Variants in GALNT10 observed in about 807,000 individuals in gnomAD.
GALNT10 encodes the protein GalNAc transferase 10.
GALNT10 carries 41 observed loss-of-function variants against 75.0 expected under a neutral mutation model. That is an observed-to-expected ratio of 0.55 (90% CI 0.43 to 0.71). The LOEUF (loss-of-function observed/expected upper bound fraction) is 0.71, where lower values mean the gene tolerates loss of function less well. Ranked by LOEUF, GALNT10 falls within the 30% of genes least tolerant of loss-of-function variation. The pLI is 0.00. For missense variants in GALNT10, 727 were observed against 818.5 expected (o/e 0.89, Z 1.36); for synonymous variants, 302 against 313.0 (o/e 0.96, Z 0.37).
chr5:154,395,930 CAA>C (rs1402228977), intron 7 of GALNT10, among the ~76,000 whole-genome samples: 1 of 152,184 alleles, frequency 6.6e-6, no homozygotes, highest in Non-Finnish European at 1.5e-5. Context: ...AGCTGTGTTT[CAA>C]CATGCCCTGC....
chr5:154,207,690 G>T (rs2113646306), intron 1 of GALNT10, among the ~76,000 whole-genome samples: 1 of 152,278 alleles, frequency 6.6e-6, no homozygotes, highest in East Asian at 1.9e-4. Context: ...CTGGGCAGGG[G>T]GTGGGTAGTG....
At chr5:154,404,866 T>A (rs562761538) in intron 8 of GALNT10, among the ~76,000 whole-genome samples, 1 of 152,366 alleles carries the variant, frequency 6.6e-6, no homozygotes, top group South Asian at 2.1e-4. Context: ...TCAAACTGTT[T>A]CATTGCCTTA....
intron 1 of GALNT10, among the ~76,000 whole-genome samples, chr5:154,270,810 A>G (rs111426609): frequency 3.0e-4 from 45 of 152,202 alleles, no homozygotes; most frequent in African/African-American, 1.1e-3. Context: ...CCTGGCCAAC[A>G]TGGCGAAAAC....
At chr5:154,288,216 G>C (rs1380552612) in intron 1 of GALNT10, among the ~76,000 whole-genome samples, 1 of 152,088 alleles carries the variant, frequency 6.6e-6, no homozygotes, top group Non-Finnish European at 1.5e-5. Flanking sequence ...CCCTTTCCTT[G>C]TTTTGAAGAC....
intron 9 of GALNT10, among the ~76,000 whole-genome samples, chr5:154,410,103 C>A: frequency 6.6e-6 from 1 of 152,188 alleles, no homozygotes; most frequent in Non-Finnish European, 1.5e-5. Flanking sequence ...CTGCTGCATG[C>A]ATAAGTATTT....
Position 154,190,762 on chromosome 5 carries a change from C to T in GALNT10, c.-105C>T. On this transcript the variant is annotated 5_prime_UTR_variant, in exon 1 of 12. Transcript: ENST00000297107. The stretch of plus-strand genomic sequence containing the variant: ...TGGAGCGGGGCCGGCGCCGCAGCCG[C>T]TTCTGCTGGCTGAGCTGCTGCCGCC... The T allele has an allele frequency of 7.3e-6, 3 of 411,588 alleles. No homozygotes were observed. Among genetic ancestry groups the T allele is most frequent in the South Asian group, 9.2e-5 (1 of 10,906 alleles). The allele number at this position is 411,588 out of a possible 1,614,324, so 25.5% of individuals were successfully genotyped here.
At chr5:154,374,324 G>A (rs1755623961) in intron 4 of GALNT10, among the ~76,000 whole-genome samples, 1 of 152,194 alleles carries the variant, frequency 6.6e-6, no homozygotes, top group South Asian at 2.1e-4. Flanking sequence ...TTGTATGTAT[G>A]TAGATCATCT....
intron 8 of GALNT10, among the ~76,000 whole-genome samples, chr5:154,408,901 G>T (rs1408635186): frequency 9.2e-5 from 14 of 152,128 alleles, no homozygotes; most frequent in African/African-American, 3.4e-4. Flanking sequence ...GACATGGCTG[G>T]ATTCTGGTGT....
chr5:154,255,769 A>T (rs1753597682), intron 1 of GALNT10, among the ~76,000 whole-genome samples: 1 of 151,916 alleles, frequency 6.6e-6, no homozygotes, highest in African/African-American at 2.4e-5. Context: ...GAGAGCTGGG[A>T]GGTTACTAAG....
intron 7 of GALNT10, among the ~76,000 whole-genome samples, chr5:154,396,680 C>T (rs542598332): frequency 6.6e-6 from 1 of 152,294 alleles, no homozygotes; most frequent in South Asian, 2.1e-4. Context: ...TGTGAGATTG[C>T]TGTATTTCCA....
intron 4 of GALNT10, chr5:154,330,101 TGTCATC>T: frequency 6.1e-6 from 1 of 162,700 alleles, no homozygotes; most frequent in Non-Finnish European, 1.3e-5. Flanking sequence ...TGCTCAGCGC[TGTCATC>T]CAAGAACCAG....
intron 4 of GALNT10, among the ~76,000 whole-genome samples, chr5:154,359,230 G>C (rs1163117287): frequency 6.6e-6 from 1 of 152,084 alleles, no homozygotes; most frequent in Non-Finnish European, 1.5e-5. Flanking sequence ...GCAGCTTTTT[G>C]CTAGAGCCTC....
At chr5:154,358,330 T>TAAC (rs950095436) in intron 4 of GALNT10, among the ~76,000 whole-genome samples, 10 of 79,248 alleles carry the variant, frequency 1.3e-4, no homozygotes, top group African/African-American at 4.2e-4. Context: ...TGGCTTAGAG[T>TAAC]AACAACAACA....
At chr5:154,249,561 G>GC (rs201011066) in intron 1 of GALNT10, among the ~76,000 whole-genome samples, 104 of 151,434 alleles carry the variant, frequency 6.9e-4, no homozygotes, top group East Asian at 2.9e-3. Flanking sequence ...GCCAACTCCA[G>GC]CCCCCCCCAG....
intron 4 of GALNT10, among the ~76,000 whole-genome samples, chr5:154,330,899 G>C (rs914814617): frequency 6.8e-5 from 10 of 148,090 alleles, no homozygotes; most frequent in Non-Finnish European, 1.3e-4. Context: ...GCCTCAGAGA[G>C]ACAGAGAGGG....
chr5:154,355,836 G>A (rs865775328), intron 4 of GALNT10, among the ~76,000 whole-genome samples: 2 of 152,156 alleles, frequency 1.3e-5, no homozygotes, highest in East Asian at 1.9e-4. Flanking sequence ...GGACATTGAC[G>A]CTCAGGAAGG....
chr5:154,224,686 A>G lies in GALNT10; in HGVS notation c.159+33661A>G, dbSNP rs546643011. Among the ~76,000 whole-genome samples, 25 of 152,194 alleles carry G rather than the reference A, an allele frequency of 1.6e-4. No homozygotes were observed. In the South Asian group the frequency reaches 5.2e-3, roughly 32 times the overall value. Reference sequence around the variant, plus strand: ...AACAGTCATTTGATATTTATGGAGTATCTAATATGTTAATATGTGCCAGAC... The same window carrying G: ...AACAGTCATTTGATATTTATGGAGTGTCTAATATGTTAATATGTGCCAGAC... On this transcript the variant is annotated intron_variant, in intron 1 of 11. Coordinates refer to ENST00000297107, the MANE Select transcript of GALNT10 (RefSeq NM_198321.4).
rs893195085 is a variant in GALNT10 at position 154,352,051 on chromosome 5, T to G, written c.568+22313T>G. Among the ~76,000 whole-genome samples the G allele has an allele frequency of 2.6e-5, 4 of 152,236 alleles. No homozygotes were observed. Among genetic ancestry groups the G allele is most frequent in the Non-Finnish European group, 4.4e-5 (3 of 68,040 alleles). ...AAAGGCTGTGTGCCGTGTACAGGGA[T>G]GCACAGCCAGTTGATGATTCCAAAG... is the stretch of plus-strand genomic sequence containing the variant. On this transcript the variant is annotated intron_variant, in intron 4 of 11. Coordinates refer to ENST00000297107, the MANE Select transcript of GALNT10 (RefSeq NM_198321.4). The surrounding 1 kb of genome is among the most constrained non-coding windows in gnomAD (Gnocchi z 4.4).
intron 6 of GALNT10, among the ~76,000 whole-genome samples, chr5:154,383,769 C>T (rs1451002331): frequency 6.6e-6 from 1 of 152,216 alleles, no homozygotes; most frequent in Non-Finnish European, 1.5e-5. Context: ...CCAGGACCCC[C>T]TCAATCTCCA....
Sources: gnomAD v4.1 joint callset for allele counts (sites outside exome capture counted in the v4.1 genomes callset) on GRCh38, gnomAD v4.1.1 for gene constraint, Gnocchi (gnomAD v3.1) non-coding constraint, MANE v1.5 for transcripts, NCBI Gene and HGNC (gene_info 2026-07-23, HGNC 2026-07-21) for gene names.